The following POTEJ variants were observed in gnomAD, a reference collection of about 807,000 sequenced individuals.
POTEJ encodes POTE ankyrin domain family, member J.
A neutral mutation model predicts 69.0 loss-of-function variants in POTEJ; 11 were observed. The observed-to-expected ratio is 0.16, with a 90% CI of 0.10 to 0.26. POTEJ has a LOEUF of 0.26. Among genes scored for constraint, POTEJ ranks in the 10% least tolerant of loss-of-function variants. POTEJ has a pLI of 1.00. For missense variants in POTEJ, 327 were observed against 1,045.5 expected (o/e 0.31, Z 9.48); for synonymous variants, 117 against 381.1 (o/e 0.31, Z 8.07).
intron 10 of POTEJ, among the ~76,000 whole-genome samples, chr2:130,641,090 A>G (rs1480194261): frequency 6.6e-6 from 1 of 152,064 alleles, no homozygotes; most frequent in Non-Finnish European, 1.5e-5. Context: ...GTAGTGTGAA[A>G]GCCACCATGA....
intron 1 of POTEJ, among the ~76,000 whole-genome samples, chr2:130,612,512 AT>A (rs1685246867): frequency 6.6e-6 from 1 of 152,290 alleles, no homozygotes; most frequent in Non-Finnish European, 1.5e-5. Context: ...CATGCCTGTA[AT>A]CCCAGCACTT....
intron 14 of POTEJ, among the ~76,000 whole-genome samples, chr2:130,656,065 T>C (rs1308505746): frequency 6.9e-6 from 1 of 145,008 alleles, no homozygotes; most frequent in Non-Finnish European, 1.5e-5. Context: ...GTAAAAGAAC[T>C]TAAAGAACTT....
intron 1 of POTEJ, among the ~76,000 whole-genome samples, chr2:130,614,267 C>T (rs1685347995): frequency 6.6e-6 from 1 of 152,016 alleles, no homozygotes; most frequent in Admixed American, 6.5e-5. Context: ...GTTTAAGTTG[C>T]TGCAGCTTTT....
At chr2:130,641,499 T>A (rs1256730126) in intron 10 of POTEJ, among the ~76,000 whole-genome samples, 1 of 149,518 alleles carries the variant, frequency 6.7e-6, no homozygotes, top group Non-Finnish European at 1.5e-5. Flanking sequence ...CCAGTGGCAG[T>A]GGGAATATAA....
chr2:130,633,432 T>C (rs867414967), intron 9 of POTEJ, among the ~76,000 whole-genome samples: 17,635 of 80,132 alleles, frequency 0.22, 120 homozygotes, highest in Non-Finnish European at 0.27. Context: ...GAAATTATCA[T>C]TATCAAAAGT....
chr2:130,629,623 T>C (rs1685834900), intron 6 of POTEJ, among the ~76,000 whole-genome samples: 1 of 150,426 alleles, frequency 6.6e-6, no homozygotes, highest in Admixed American at 6.6e-5. Flanking sequence ...AAATTTCCTT[T>C]TCTTTACATT....
chr2:130,627,331 A>G (rs1407509538), intron 6 of POTEJ, among the ~76,000 whole-genome samples: 7 of 150,120 alleles, frequency 4.7e-5, no homozygotes, highest in African/African-American at 1.3e-4. Context: ...GTCCATGTGT[A>G]TCACCATCAA....
intron 6 of POTEJ, among the ~76,000 whole-genome samples, chr2:130,626,639 C>T (rs1307077140): frequency 6.6e-6 from 1 of 152,166 alleles, no homozygotes; most frequent in Non-Finnish European, 1.5e-5. Flanking sequence ...CTATAGTTTG[C>T]TGGGATTGAT....
intron 10 of POTEJ, among the ~76,000 whole-genome samples, chr2:130,643,067 G>T (rs201834778): frequency 8.8e-6 from 1 of 113,442 alleles, no homozygotes; most frequent in Admixed American, 9.2e-5. Flanking sequence ...ACTCTCCCCT[G>T]CAGTCTTGGA....
intron 10 of POTEJ, among the ~76,000 whole-genome samples, chr2:130,640,919 A>C (rs1166918946): frequency 2.6e-5 from 4 of 152,216 alleles, no homozygotes; most frequent in African/African-American, 7.2e-5. Context: ...TCATTGGAGA[A>C]ATTTGAGCAG....
chr2:130,629,547 C>T (rs1311213001), intron 6 of POTEJ, among the ~76,000 whole-genome samples: 1 of 147,802 alleles, frequency 6.8e-6, no homozygotes, highest in Non-Finnish European at 1.5e-5. Flanking sequence ...TTTCCTGGGC[C>T]CTGCTTGTTA....
rs1395521379 is a variant in POTEJ, at chr2:130,636,474, G to T, written c.1299-2145G>T. Among the ~76,000 whole-genome samples, 3 of 142,682 alleles carry T rather than the reference G, an allele frequency of 2.1e-5. 1 individual carries two copies. Among genetic ancestry groups the T allele is most frequent in the Non-Finnish European group, 4.7e-5 (3 of 64,338 alleles). The allele number at this position is 142,682 out of a possible 152,430, so 93.6% of individuals were successfully genotyped here. A position where few individuals can be genotyped will look rare whatever the true frequency, so the allele number is the denominator to read the frequency against. On this transcript the variant is annotated intron_variant, in intron 9 of 14. Coordinates refer to ENST00000409602, the MANE Select transcript of POTEJ (RefSeq NM_001277083.2). ...TTGATATACAAATAAAAGGTTTTTT[G>T]TATTAGAAAAAAAAAAACCCTTTCT... is the stretch of plus-strand genomic sequence containing the variant.
At chr2:130,656,489 A>G (rs1686992602) in intron 14 of POTEJ, 60 bp from the exon 15 acceptor site, 3 of 1,556,390 alleles carry the variant, frequency 1.9e-6, no homozygotes, top group East Asian at 2.2e-5. Flanking sequence ...TGAATTTCAA[A>G]AGAAATCATG....
intron 6 of POTEJ, among the ~76,000 whole-genome samples, chr2:130,627,173 T>A (rs1685742028): frequency 6.6e-6 from 1 of 151,806 alleles, no homozygotes; most frequent in Non-Finnish European, 1.5e-5. Context: ...ATGACTAATG[T>A]TTTTCTATGC....
intron 10 of POTEJ, among the ~76,000 whole-genome samples, chr2:130,640,545 A>G (rs1217794679): frequency 1.3e-5 from 2 of 150,986 alleles, no homozygotes; most frequent in South Asian, 2.2e-4. Context: ...TGTGCTGTTG[A>G]CAGTGTTTTA....
chr2:130,624,990 G>C (rs1438136035), intron 6 of POTEJ, among the ~76,000 whole-genome samples: 1 of 152,100 alleles, frequency 6.6e-6, no homozygotes, highest in Non-Finnish European at 1.5e-5. Context: ...TCTAGGCTCA[G>C]CAGATTATAA....
chr2:130,639,758 C>A (rs1485893421), intron 10 of POTEJ, among the ~76,000 whole-genome samples: 4 of 151,854 alleles, frequency 2.6e-5, no homozygotes, highest in African/African-American at 9.7e-5. Flanking sequence ...GTGCTCACAA[C>A]AGAAGTGTTT....
intron 11 of POTEJ, 114 bp from the exon 12 acceptor site, chr2:130,645,623 A>G (rs1176396641): frequency 6.8e-6 from 2 of 293,492 alleles, no homozygotes; most frequent in African/African-American, 4.6e-5. Flanking sequence ...TCTAATTTTT[A>G]TTGTCCATAC....
At chr2:130,641,934 G>C (rs1686394832) in intron 10 of POTEJ, among the ~76,000 whole-genome samples, 1 of 152,182 alleles carries the variant, frequency 6.6e-6, no homozygotes, top group Non-Finnish European at 1.5e-5. Context: ...GAACTTAATA[G>C]ATGAAGATGA....
Sources: gnomAD v4.1 joint callset for allele counts (sites outside exome capture counted in the v4.1 genomes callset) on GRCh38, gnomAD v4.1.1 for gene constraint, MANE v1.5 for transcripts, NCBI Gene and HGNC (gene_info 2026-07-23, HGNC 2026-07-21) for gene names.